The following GPHN variants were observed in gnomAD, a reference collection of about 807,000 sequenced individuals.
The protein encoded by GPHN is gephyrin.
Under a neutral mutation model 95.5 loss-of-function variants are expected in GPHN, and 17 were observed. The observed-to-expected ratio is 0.18, with a 90% CI of 0.12 to 0.27. The LOEUF (loss-of-function observed/expected upper bound fraction) is 0.27. GPHN is among the 10% of genes least tolerant of loss of function. The pLI is 1.00. For missense variants in GPHN, 660 were observed against 978.1 expected, an observed-to-expected ratio of 0.67 and a Z score of 4.34; for synonymous variants, 320 against 322.5, an observed-to-expected ratio of 0.99 and a Z score of 0.08.
intron 2 of GPHN, among the ~76,000 whole-genome samples, chr14:66,721,542 A>C (rs1279015244): frequency 6.6e-6 from 1 of 152,198 alleles, no homozygotes; most frequent in Non-Finnish European, 1.5e-5. Flanking sequence ...TTAACAAATC[A>C]AACTAATTAA....
chr14:67,092,866 C>T (rs561226679), intron 12 of GPHN, among the ~76,000 whole-genome samples: 2 of 152,110 alleles, frequency 1.3e-5, no homozygotes, highest in South Asian at 4.1e-4. Flanking sequence ...TCACATTTTT[C>T]GATTTTGTTT....
At chr14:66,565,370 T>A (rs1384010734) in intron 1 of GPHN, among the ~76,000 whole-genome samples, 1 of 151,998 alleles carries the variant, frequency 6.6e-6, no homozygotes, top group African/African-American at 2.4e-5. Context: ...TGGATCACAG[T>A]TTATGGCAGC....
the GPHN span, among the ~76,000 whole-genome samples, chr14:67,670,409 G>A: frequency 6.6e-6 from 1 of 151,874 alleles, no homozygotes; most frequent in South Asian, 2.1e-4. Context: ...TTGCCTCTTC[G>A]CATTTCCCAT....
At chr14:67,072,522 G>A (rs1035471971) in intron 11 of GPHN, among the ~76,000 whole-genome samples, 2 of 152,042 alleles carry the variant, frequency 1.3e-5, no homozygotes, top group Non-Finnish European at 2.9e-5. Flanking sequence ...CCAAGCAGCA[G>A]AGGGTAAGTA....
chr14:67,712,368 T>C, the GPHN span, among the ~76,000 whole-genome samples: 3 of 151,932 alleles, frequency 2.0e-5, no homozygotes, highest in African/African-American at 7.2e-5. Context: ...TTGTTTTTTG[T>C]TTTTTAATAA....
the GPHN span, among the ~76,000 whole-genome samples, chr14:67,670,104 A>G: frequency 6.6e-6 from 1 of 152,178 alleles, no homozygotes; most frequent in Non-Finnish European, 1.5e-5. Context: ...ACCTGTGTCA[A>G]ACAAATTCCC....
At chr14:67,260,921 A>C in the GPHN span, among the ~76,000 whole-genome samples, 1 of 152,186 alleles carries the variant, frequency 6.6e-6, no homozygotes, top group Non-Finnish European at 1.5e-5. Context: ...GACTAAGTCA[A>C]GTGGAGCCAT....
At chr14:66,569,936 T>A (rs1354121631) in intron 1 of GPHN, among the ~76,000 whole-genome samples, 1 of 152,160 alleles carries the variant, frequency 6.6e-6, no homozygotes, top group Non-Finnish European at 1.5e-5. Flanking sequence ...GACCAACACC[T>A]CCTCAATCTC....
At chr14:66,705,112 C>T (rs1319494497) in intron 2 of GPHN, among the ~76,000 whole-genome samples, 1 of 152,144 alleles carries the variant, frequency 6.6e-6, no homozygotes, top group Non-Finnish European at 1.5e-5. Flanking sequence ...AAGACTAAAC[C>T]AGGAAGAAGT....
chr14:67,706,131 G>A, the GPHN span: 1 of 152,204 alleles, frequency 6.6e-6, no homozygotes, highest in South Asian at 2.1e-4. Context: ...TACCTAAGAA[G>A]GAGAGAACTG....
the GPHN span, among the ~76,000 whole-genome samples, chr14:67,549,758 A>G: frequency 0.011 from 1,673 of 152,340 alleles, 44 homozygotes; most frequent in African/African-American, 0.039. Context: ...TTCTGTGGCC[A>G]GGCTACTGTT....
chr14:66,813,592 G>T (rs2060845816), intron 3 of GPHN, among the ~76,000 whole-genome samples: 1 of 152,254 alleles, frequency 6.6e-6, no homozygotes, highest in South Asian at 2.1e-4. Flanking sequence ...GTGGCAGGGA[G>T]AGTTACTTAG....
At chr14:67,601,881 A>T in the GPHN span, among the ~76,000 whole-genome samples, 19 of 147,326 alleles carry the variant, frequency 1.3e-4, no homozygotes, top group East Asian at 1.4e-3. Flanking sequence ...TATTCATTTA[A>T]AAAAAAAAAA....
At chr14:66,734,011 C>A (rs1036519273) in intron 2 of GPHN, among the ~76,000 whole-genome samples, 5 of 152,136 alleles carry the variant, frequency 3.3e-5, no homozygotes, top group African/African-American at 9.7e-5. Flanking sequence ...AACATCAAAT[C>A]CAACTATATT....
chr14:67,250,800 T>C, the GPHN span, among the ~76,000 whole-genome samples: 3 of 152,208 alleles, frequency 2.0e-5, no homozygotes, highest in South Asian at 6.2e-4. Flanking sequence ...AGGAATCTTA[T>C]CCTTCTGTTT....
the GPHN span, among the ~76,000 whole-genome samples, chr14:67,381,985 C>G: frequency 2.6e-5 from 4 of 151,978 alleles, no homozygotes; most frequent in Non-Finnish European, 5.9e-5. Context: ...ACTGAGAGCA[C>G]TTTAAAAAAG....
the GPHN span, among the ~76,000 whole-genome samples, chr14:67,572,673 T>C: frequency 5.9e-5 from 9 of 152,296 alleles, no homozygotes; most frequent in Non-Finnish European, 1.2e-4. Flanking sequence ...CTCACAATCC[T>C]CTTGGGGTCA....
chr14:67,383,301 CT>C, the GPHN span: 2 of 1,611,702 alleles, frequency 1.2e-6, no homozygotes, highest in Non-Finnish European at 1.7e-6. Context: ...GAAATTATAC[CT>C]CTGCTTCCAC....
chr14:66,719,629 C>T (rs2070536760), intron 2 of GPHN, among the ~76,000 whole-genome samples: 1 of 152,136 alleles, frequency 6.6e-6, no homozygotes, highest in Non-Finnish European at 1.5e-5. Context: ...TCATCCCAGT[C>T]AGAGCTGCCA....
Sources: gnomAD v4.1 joint callset for allele counts (sites outside exome capture counted in the v4.1 genomes callset) on GRCh38, gnomAD v4.1.1 for gene constraint, MANE v1.5 for transcripts, NCBI Gene and HGNC (gene_info 2026-07-23, HGNC 2026-07-21) for gene names.